Variants in LILRB3 observed in about 807,000 individuals in gnomAD.
LILRB3 encodes leukocyte immunoglobulin-like receptor subfamily B member 3.
In LILRB3, 32 loss-of-function variants were observed where a neutral mutation model predicts 68.2. The ratio of observed to expected loss-of-function variants is 0.47; its 90% CI spans 0.35 to 0.63. LILRB3 has a LOEUF of 0.63. Among genes scored for constraint, LILRB3 ranks in the 30% least tolerant of loss-of-function variants. The pLI is 0.00. For synonymous variants in LILRB3, 185 were observed against 323.1 expected, an observed-to-expected ratio of 0.57 and a Z score of 4.58; for missense variants, 502 against 791.3, an observed-to-expected ratio of 0.63 and a Z score of 4.39.
intron 7 of LILRB3, chr19:54,219,592 G>T (rs140191371): frequency 6.5e-7 from 1 of 1,545,130 alleles, no homozygotes; most frequent in Non-Finnish European, 8.7e-7. Context: ...CCAGGTCACC[G>T]TCACTGCTGC....
At chr19:54,218,907 G>A in intron 8 of LILRB3, 69 bp from the exon 9 acceptor site, 1 of 1,600,250 alleles carries the variant, frequency 6.2e-7, no homozygotes, top group South Asian at 1.1e-5. Context: ...TGCAACTTGA[G>A]GGAAAGAAGG....
intron 7 of LILRB3, chr19:54,219,510 A>G (rs1185805257): frequency 4.5e-6 from 7 of 1,550,310 alleles, no homozygotes; most frequent in Non-Finnish European, 6.1e-6. Flanking sequence ...TTCCTGCACC[A>G]GAGCCGAGAC....
intron 7 of LILRB3, chr19:54,219,816 A>G (rs1250016944): frequency 1.6e-5 from 24 of 1,522,000 alleles, no homozygotes; most frequent in African/African-American, 5.5e-5. Context: ...GACAGAACCC[A>G]CCCCTGCCTC....
chr19:54,218,226 G>A (rs112224147), intron 11 of LILRB3, 135 bp downstream of exon 11: 146,686 of 1,219,904 alleles, frequency 0.12, 11,007 homozygotes, highest in African/African-American at 0.32. Flanking sequence ...CACAGCAGGC[G>A]GGAGGCAGCA....
intron 12 of LILRB3, 21 bp downstream of exon 12, chr19:54,217,298 C>A (rs751644064): frequency 6.3e-7 from 1 of 1,589,990 alleles, no homozygotes; most frequent in Non-Finnish European, 8.6e-7. Context: ...GGCCTGGGGG[C>A]CTGGAGAGGA....
At chr19:54,219,877 G>A (rs1167414277) in intron 7 of LILRB3, 2 of 1,549,630 alleles carry the variant, frequency 1.3e-6, no homozygotes, top group Non-Finnish European at 1.7e-6. Flanking sequence ...ACCATTCTGA[G>A]GGCCTGACCC....
chr19:54,216,747 A>C (rs2077506638), exon 13 of LILRB3: 10 of 1,150,516 alleles, frequency 8.7e-6, no homozygotes, highest in Non-Finnish European at 7.6e-6. Flanking sequence ...GCAGTGGCAC[A>C]GTCATAGCTC....
chr19:54,219,518 G>C (rs1305789825), intron 7 of LILRB3: 2 of 1,550,246 alleles, frequency 1.3e-6, no homozygotes, highest in East Asian at 4.9e-5. Flanking sequence ...CCAGAGCCGA[G>C]ACCCGGAGCT....
chr19:54,217,280 G>T, intron 12 of LILRB3, 39 bp downstream of exon 12: 1 of 1,590,898 alleles, frequency 6.3e-7, no homozygotes, highest in Non-Finnish European at 8.6e-7. Flanking sequence ...CGTGGTGGGG[G>T]TGGGGGAGGC....
intron 12 of LILRB3, 29 bp downstream of exon 12, chr19:54,217,290 C>T (rs2077564469): frequency 6.3e-7 from 1 of 1,583,722 alleles, no homozygotes. Flanking sequence ...GTGGGGGAGG[C>T]CTGGGGGCCT....
intron 7 of LILRB3, chr19:54,219,586 G>A (rs2077874957): frequency 3.9e-6 from 6 of 1,546,452 alleles, no homozygotes; most frequent in Non-Finnish European, 4.4e-6. Flanking sequence ...CCTGCCCCAG[G>A]TCACCGTCAC....
intron 7 of LILRB3, chr19:54,219,846 C>T (rs2077912754): frequency 2.6e-6 from 4 of 1,544,578 alleles, no homozygotes; most frequent in Non-Finnish European, 3.5e-6. Context: ...CCGCCCATCT[C>T]CCACTCAGAG....
intron 8 of LILRB3, 36 bp from the exon 9 acceptor site, chr19:54,218,874 C>T: frequency 3.7e-6 from 6 of 1,613,888 alleles, no homozygotes; most frequent in Non-Finnish European, 5.1e-6. Context: ...GCCCTGGGAA[C>T]ATTAGAACTC....
chr19:54,222,086 C>T (rs745901543), exon 4 of LILRB3: 3 of 1,610,954 alleles, frequency 1.9e-6, no homozygotes, highest in Non-Finnish European at 2.5e-6. Flanking sequence ...CCTGAGGCCA[C>T]CACAGGGCTG....
chr19:54,219,663 C>T (rs891959955), intron 7 of LILRB3: 18 of 1,482,944 alleles, frequency 1.2e-5, no homozygotes, highest in Non-Finnish European at 1.6e-5. Context: ...GAGGCCTCCT[C>T]TCCCAGGAGG....
At chr19:54,220,490 G>T (rs1401533293) in intron 6 of LILRB3, 38 bp downstream of exon 6, 1 of 1,292,912 alleles carries the variant, frequency 7.7e-7, no homozygotes, top group Non-Finnish European at 1.1e-6. Flanking sequence ...CCGGAGCTGA[G>T]CCTTTGAGCT....
At chr19:54,218,869 G>A (rs1361079110) in intron 8 of LILRB3, 31 bp from the exon 9 acceptor site, 4 of 1,613,898 alleles carry the variant, frequency 2.5e-6, no homozygotes, top group Non-Finnish European at 3.4e-6. Context: ...TCTCAGCCCT[G>A]GGAACATTAG....
chr19:54,222,077 C>T (rs1392094211), exon 4 of LILRB3: 7 of 1,611,048 alleles, frequency 4.3e-6, no homozygotes, highest in Middle Eastern at 1.7e-4. Context: ...ATATTCCCCC[C>T]TGAGGCCACC....
At position 54,221,953 on chromosome 19, in the gene LILRB3, T is replaced by G. The variant is rs1386218828; in HGVS notation, c.533A>C (p.Gln178Pro). ...CACGGGGCCCACAGGGAACAGGGCC[T>G]GGAACCCCCCACTGTGGAGCTGCTG... Residue 178 changes from glutamine (Q) to proline (P), a missense_variant, in exon 4 of 13, where the codon CAG becomes CCG. By Grantham distance (76) the Gln-to-Pro change is moderately conservative. Around this residue, in one of 8 missense-constraint regions of LILRB3, gnomAD observed 37 missense variants for 59.4 expected, o/e 0.62. Coordinates refer to ENST00000445347, the Ensembl canonical transcript of LILRB3. 6 of 1,605,580 alleles carry G rather than the reference T, an allele frequency of 3.7e-6. 1 individual carries two copies. The highest frequency in any genetic ancestry group is 1.4e-5 in the African/African-American group (1 of 71,998).
Sources: allele counts gnomAD v4.1 joint callset, GRCh38; gene constraint gnomAD v4.1.1; regional missense constraint gnomAD v4.1.1; transcripts MANE v1.5; gene names NCBI Gene and HGNC (gene_info 2026-07-23, HGNC 2026-07-21).